NIPSNAP3A: variants seen among roughly 807,000 people sequenced by gnomAD.
NIPSNAP3A encodes protein NipSnap homolog 3A.
NIPSNAP3A carries 27 observed loss-of-function variants against 32.3 expected under a neutral mutation model. The ratio of observed to expected loss-of-function variants is 0.84; its 90% CI spans 0.62 to 1.15. The LOEUF (loss-of-function observed/expected upper bound fraction) is 1.15, where lower values mean the gene tolerates loss of function less well. NIPSNAP3A is among the 50% of genes most tolerant of loss of function. The probability of loss-of-function intolerance (pLI) is 0.00; values close to 1 mark genes in which losing one functional copy is unlikely to be tolerated. For missense variants in NIPSNAP3A, 278 were observed against 297.2 expected, an observed-to-expected ratio of 0.94 and a Z score of 0.48; for synonymous variants, 108 against 107.3, an observed-to-expected ratio of 1.01 and a Z score of -0.04.
chr9:104,751,313 T>A, intron 2 of NIPSNAP3A, 147 bp downstream of exon 2: 1 of 761,060 alleles, frequency 1.3e-6, no homozygotes, highest in Non-Finnish European at 2.3e-6. Flanking sequence ...TGAAAAGCAA[T>A]ACCAAAAAAA....
At chr9:104,749,372 A>G (rs1015117131) in intron 1 of NIPSNAP3A, among the ~76,000 whole-genome samples, 24 of 152,250 alleles carry the variant, frequency 1.6e-4, no homozygotes, top group African/African-American at 5.8e-4. Flanking sequence ...CACGAATAGA[A>G]TTAACTCTAG....
At chr9:104,757,841 T>A (rs557572086) in intron 4 of NIPSNAP3A, among the ~76,000 whole-genome samples, 1 of 151,976 alleles carries the variant, frequency 6.6e-6, no homozygotes, top group Non-Finnish European at 1.5e-5. Context: ...TGCTTGAGGC[T>A]AGGAGTTCGA....
intron 4 of NIPSNAP3A, among the ~76,000 whole-genome samples, chr9:104,755,569 A>T (rs1352461830): frequency 1.3e-5 from 2 of 152,132 alleles, no homozygotes; most frequent in Admixed American, 6.5e-5. Context: ...AAAACATTTC[A>T]ATCAGAATTT....
intron 1 of NIPSNAP3A, among the ~76,000 whole-genome samples, chr9:104,750,191 A>G (rs774537977): frequency 6.6e-6 from 1 of 152,240 alleles, no homozygotes; most frequent in Admixed American, 6.5e-5. Flanking sequence ...TGTAACACGT[A>G]TGCTCTTGAC....
rs374312964 is a variant in NIPSNAP3A, at chr9:104,750,986, C to T, written c.91C>T (p.Gln31Ter). Residue 31 changes from glutamine to a stop codon, truncating the protein, a stop_gained, in exon 2 of 6, where the codon CAA becomes TAA. Transcript: ENST00000374767. LOFTEE classifies it high-confidence loss of function. The part of the protein sequence containing the change: ...MCSSFATGPR[Q>*]YDGIFYEFRS... ...CTCATCTTTTGCTACGGGACCCAGA[C>T]AATACGATGGAATATTCTATGAATT... 255 of 1,613,562 alleles carry T rather than the reference C, an allele frequency of 1.6e-4. No individual in the cohort carries two copies. The highest frequency in any genetic ancestry group is 2.0e-4 in the Non-Finnish European group (240 of 1,179,664).
At chr9:104,756,146 T>C (rs902566850) in intron 4 of NIPSNAP3A, among the ~76,000 whole-genome samples, 8 of 152,256 alleles carry the variant, frequency 5.3e-5, no homozygotes, top group South Asian at 2.1e-4. Flanking sequence ...GGAAAATACA[T>C]GGAGGAGAAA....
At position 104,759,498 on chromosome 9, in the gene NIPSNAP3A, T is replaced by C; in HGVS notation, c.*160T>C. ...GAAGGCTACATCTGTGCTTTGTAAG[T>C]ACCACTTCAAAAAATAGTTCTGTTT... On this transcript the variant is annotated 3_prime_UTR_variant, in exon 6 of 6. Transcript: ENST00000374767. 1 of 665,214 alleles carries C rather than the reference T, an allele frequency of 1.5e-6. No individual in the cohort carries two copies. 41.2% of individuals were successfully genotyped at this position (665,214 alleles called of 1,614,324 possible). A position where few individuals can be genotyped will look rare whatever the true frequency, so the allele number is the denominator to read the frequency against.
At chr9:104,749,856 G>T (rs1827825073) in intron 1 of NIPSNAP3A, among the ~76,000 whole-genome samples, 1 of 151,782 alleles carries the variant, frequency 6.6e-6, no homozygotes, top group Non-Finnish European at 1.5e-5. Flanking sequence ...GGTATAAGTG[G>T]ATTCATTAAA....
intron 1 of NIPSNAP3A, 32 bp from the exon 2 acceptor site, chr9:104,750,921 TCTC>T (rs770455162): frequency 1.3e-6 from 2 of 1,504,300 alleles, no homozygotes; most frequent in East Asian, 2.3e-5. Flanking sequence ...AATCCTGTCT[TCTC>T]AAGATATTTA....
At chr9:104,748,947 A>G (rs1197913781) in intron 1 of NIPSNAP3A, among the ~76,000 whole-genome samples, 1 of 152,022 alleles carries the variant, frequency 6.6e-6, no homozygotes, top group Non-Finnish European at 1.5e-5. Context: ...CCCTGCAACA[A>G]AATTCTTAAC....
intron 1 of NIPSNAP3A, 90 bp downstream of exon 1, chr9:104,747,942 T>C (rs562612406): frequency 3.1e-6 from 4 of 1,276,364 alleles, no homozygotes; most frequent in Non-Finnish European, 4.3e-6. Context: ...GCAATGCGCA[T>C]GCGCTCTCCG....
intron 1 of NIPSNAP3A, 89 bp downstream of exon 1, chr9:104,747,941 A>G: frequency 7.8e-7 from 1 of 1,279,938 alleles, no homozygotes; most frequent in East Asian, 2.5e-5. Context: ...AGCAATGCGC[A>G]TGCGCTCTCC....
Position 104,754,707 on chromosome 9 carries a change from T to C in NIPSNAP3A, c.580+7T>C. 4 of 1,611,568 alleles carry C rather than the reference T, an allele frequency of 2.5e-6. No homozygotes were observed. The highest frequency in any genetic ancestry group is 3.4e-6 in the Non-Finnish European group (4 of 1,177,762). ...TACGGAGCACTCAACAGAGGTACAA[T>C]TGTCCATTTCTTCTTATATGAAATT... is the stretch of plus-strand genomic sequence containing the variant. On this transcript the variant is annotated splice_region_variant and intron_variant, in intron 4 of 5. Coordinates refer to ENST00000374767, the MANE Select transcript of NIPSNAP3A (RefSeq NM_015469.3).
chr9:104,753,329 A>G (rs1403462955), intron 3 of NIPSNAP3A, among the ~76,000 whole-genome samples: 1 of 152,230 alleles, frequency 6.6e-6, no homozygotes, highest in Admixed American at 6.5e-5. Context: ...TGACATGGTC[A>G]GTAGAGGTTG....
intron 1 of NIPSNAP3A, among the ~76,000 whole-genome samples, chr9:104,750,428 A>G (rs1827834184): frequency 6.6e-6 from 1 of 152,230 alleles, no homozygotes; most frequent in African/African-American, 2.4e-5. Flanking sequence ...ACAAATGTAT[A>G]TGTGAAGCAG....
chr9:104,754,619 A>G lies in NIPSNAP3A; in HGVS notation c.499A>G (p.Arg167Gly). ...AGCTCTGTGGGGTGATGCATTTAAA[A>G]GGGCAGTTCATGCTCATGTCAATCT... ...GPALWGDAFK[R>G]AVHAHVNLGY... Residue 167 changes from arginine to glycine, a missense_variant, in exon 4 of 6, where the codon AGG becomes GGG. Arg to Gly is a moderately radical substitution (Grantham distance 125). Coordinates refer to ENST00000374767, the MANE Select transcript of NIPSNAP3A (RefSeq NM_015469.3). 1 of 1,614,042 alleles carries G rather than the reference A, an allele frequency of 6.2e-7. No homozygotes were observed. The highest frequency in any genetic ancestry group is 1.1e-5 in the South Asian group (1 of 91,084).
In NIPSNAP3A at chr9:104,759,280, A is replaced by G; in HGVS notation, c.686A>G (p.Tyr229Cys). 6.2e-7 allele frequency: 1 copy of G among 1,614,110 alleles called. No homozygotes were observed. Among genetic ancestry groups the G allele is most frequent in the African/African-American group, 1.3e-5 (1 of 75,046 alleles). The change falls in exon 6 of 6, where the codon TAC becomes TGC. Residue 229 changes from tyrosine to cysteine, a missense_variant. Physicochemically the swap from Tyr to Cys is radical, Grantham distance 194 (BLOSUM62 -2). Coordinates refer to ENST00000374767, the MANE Select transcript of NIPSNAP3A (RefSeq NM_015469.3). Reference sequence around the variant, plus strand: ...TTTCCAGTTCGGGAAAGTGTCAACTACCTAGTATCTCAGCAGAATATGCTT... The same window carrying G: ...TTTCCAGTTCGGGAAAGTGTCAACTGCCTAGTATCTCAGCAGAATATGCTT... ...VVAAVRESVN[Y>C]LVSQQNMLLI...
In NIPSNAP3A at chr9:104,754,637, G is replaced by A. The variant is rs1827884936; in HGVS notation, c.517G>A (p.Val173Ile). ...DAFKRAVHAH[V>I]NLGYTKLVGV... ...ATTTAAAAGGGCAGTTCATGCTCAT[G>A]TCAATCTAGGCTACACAAAACTAGT... The change falls in exon 4 of 6, where the codon GTC (valine) becomes ATC (isoleucine). Residue 173 changes from valine (V) to isoleucine (I), a missense_variant. Transcript: ENST00000374767. 1 of 1,613,916 alleles carries A rather than the reference G, an allele frequency of 6.2e-7. No homozygotes were observed. The highest frequency in any genetic ancestry group is 8.5e-7 in the Non-Finnish European group (1 of 1,179,906).
In NIPSNAP3A at chr9:104,759,342, T is replaced by C; in HGVS notation, c.*4T>C. The C allele has an allele frequency of 6.2e-7, 1 of 1,611,458 alleles. No individual in the cohort carries two copies. The highest frequency in any genetic ancestry group is 8.5e-7 in the Non-Finnish European group (1 of 1,178,428). The stretch of plus-strand genomic sequence containing the variant: ...ATCGTTTTCACCACTGAAATAGTTT[T>C]CTACTGAAATACAAAACATTTCATT... On this transcript the variant is annotated 3_prime_UTR_variant, in exon 6 of 6. Transcript: ENST00000374767.
Sources: gnomAD v4.1 joint callset for allele counts (sites outside exome capture counted in the v4.1 genomes callset) on GRCh38, gnomAD v4.1.1 for gene constraint, MANE v1.5 for transcripts, NCBI Gene and HGNC (gene_info 2026-07-23, HGNC 2026-07-21) for gene names.